PACS1: variants seen among roughly 807,000 people sequenced by gnomAD.
The protein encoded by PACS1 is phosphofurin acidic cluster sorting protein 1.
In PACS1, 24 loss-of-function variants were observed where a neutral mutation model predicts 115.0. The ratio of observed to expected loss-of-function variants is 0.21; its 90% CI spans 0.15 to 0.29. The LOEUF is 0.29. Among genes scored for constraint, PACS1 ranks in the 10% least tolerant of loss-of-function variants. The pLI is 1.00. For synonymous variants in PACS1, 453 were observed against 504.5 expected (o/e 0.90, Z 1.37); for missense variants, 838 against 1,251.2 (o/e 0.67, Z 4.98).
At chr11:66,146,321 G>A (rs777978810) in intron 1 of PACS1, among the ~76,000 whole-genome samples, 1 of 152,164 alleles carries the variant, frequency 6.6e-6, no homozygotes, top group Non-Finnish European at 1.5e-5. Flanking sequence ...TTAAAGAAAT[G>A]TATGATGACA....
intron 1 of PACS1, among the ~76,000 whole-genome samples, chr11:66,139,101 G>A (rs1858917198): frequency 6.6e-6 from 1 of 152,146 alleles, no homozygotes; most frequent in South Asian, 2.1e-4. Flanking sequence ...TGAAACCAGT[G>A]CTTGCAACCT....
At chr11:66,079,687 T>C (rs189809100) in intron 1 of PACS1, among the ~76,000 whole-genome samples, 4 of 152,278 alleles carry the variant, frequency 2.6e-5, no homozygotes, top group East Asian at 1.9e-4. Flanking sequence ...CCAGCTGATA[T>C]GTGCCGCAAG....
chr11:66,222,005 A>G (rs750308028), intron 10 of PACS1, among the ~76,000 whole-genome samples: 4 of 152,162 alleles, frequency 2.6e-5, no homozygotes, highest in Non-Finnish European at 5.9e-5. Flanking sequence ...AGACCCAGCT[A>G]CTTGGGAGGC....
chr11:66,221,207 T>C lies in PACS1; in HGVS notation c.1253T>C (p.Leu418Pro). ...AGCTCCCAGACGGAGATTGGCAGCCTCAACAGCAAAGGCAGCCTCGGAAAA... is the reference window on the plus strand; with the variant it reads ...AGCTCCCAGACGGAGATTGGCAGCCCCAACAGCAAAGGCAGCCTCGGAAAA... Reference protein sequence around the residue: ...QSSSQTEIGSLNSKGSLGKDT... With the variant: ...QSSSQTEIGSPNSKGSLGKDT... Residue 418 changes from leucine (L) to proline (P), a missense_variant, in exon 10 of 24, where the codon CTC becomes CCC. Around this residue, in one of 6 missense-constraint regions of PACS1, gnomAD observed 383 missense variants for 537.0 expected, o/e 0.71. Coordinates refer to ENST00000320580, the MANE Select transcript of PACS1 (RefSeq NM_018026.4). 6.2e-7 allele frequency: 1 copy of C among 1,614,206 alleles called. No individual in the cohort carries two copies. Among genetic ancestry groups the C allele is most frequent in the Non-Finnish European group, 8.5e-7 (1 of 1,180,038 alleles).
chr11:66,228,309 C>CA (rs1314896165), intron 11 of PACS1, among the ~76,000 whole-genome samples: 1 of 152,040 alleles, frequency 6.6e-6, no homozygotes, highest in Non-Finnish European at 1.5e-5. Context: ...GGATGAGCCT[C>CA]ACGGTGGGAC....
chr11:66,183,456 C>T (rs1860050274), intron 1 of PACS1, among the ~76,000 whole-genome samples: 1 of 152,222 alleles, frequency 6.6e-6, no homozygotes, highest in Admixed American at 6.5e-5. Flanking sequence ...TTCCCATCTT[C>T]TGATTAAAGA....
intron 1 of PACS1, among the ~76,000 whole-genome samples, chr11:66,132,955 A>G (rs537492335): frequency 6.6e-6 from 1 of 152,344 alleles, no homozygotes; most frequent in East Asian, 1.9e-4. Flanking sequence ...GAAGTGAGCC[A>G]TGGCACCTGG....
intron 2 of PACS1, among the ~76,000 whole-genome samples, chr11:66,194,027 G>A (rs56223081): frequency 6.6e-6 from 1 of 152,080 alleles, no homozygotes; most frequent in African/African-American, 2.4e-5. Flanking sequence ...GCAGTGGCGC[G>A]ATCTCGGCTC....
intron 1 of PACS1, among the ~76,000 whole-genome samples, chr11:66,117,624 A>G (rs1180977906): frequency 6.6e-6 from 1 of 152,106 alleles, no homozygotes; most frequent in Non-Finnish European, 1.5e-5. Context: ...AGGCAGGCGG[A>G]TCACCTGAGG....
At position 66,070,378 on chromosome 11, in the gene PACS1, G is replaced by C. The variant is rs1590722845; in HGVS notation, c.-109G>C. The C allele has an allele frequency of 1.7e-6, 1 of 586,744 alleles. No individual in the cohort carries two copies. Among genetic ancestry groups the C allele is most frequent in the Non-Finnish European group, 2.4e-6 (1 of 419,710 alleles). The allele number at this position is 586,744 out of a possible 1,614,324, so 36.3% of individuals were successfully genotyped here. A position where few individuals can be genotyped will look rare whatever the true frequency, so the allele number is the denominator to read the frequency against. On this transcript the variant is annotated 5_prime_UTR_variant, in exon 1 of 24. Transcript: ENST00000320580. This position sits in a 1 kb window ranked among gnomAD's most constrained non-coding sequence, Gnocchi z 5.9. ...GCAGCTCGCTGGCTGCTCGCGCTCGGGCAGGCGGGCTGAGGAGGCTGCCGC... is the reference window on the plus strand; with the variant it reads ...GCAGCTCGCTGGCTGCTCGCGCTCGCGCAGGCGGGCTGAGGAGGCTGCCGC...
At position 66,161,234 on chromosome 11, in the gene PACS1, G is replaced by A. The variant is rs958110445; in HGVS notation, c.357-32252G>A. Among the ~76,000 whole-genome samples, 8 of 152,142 alleles carry A rather than the reference G, an allele frequency of 5.3e-5. No individual in the cohort carries two copies. The East Asian group carries it at 1.2e-3, about 22-fold the overall frequency. ...GCCGGCAGGCAAGAAGTGCTACAGGGGATAAACAAACATACACAAATATGT... is the reference window on the plus strand; with the variant it reads ...GCCGGCAGGCAAGAAGTGCTACAGGAGATAAACAAACATACACAAATATGT... On this transcript the variant is annotated intron_variant, in intron 1 of 23. Coordinates refer to ENST00000320580, the MANE Select transcript of PACS1 (RefSeq NM_018026.4).
At chr11:66,210,168 C>A (rs1222930217) in intron 2 of PACS1, among the ~76,000 whole-genome samples, 194 bp from the exon 3 acceptor site, 1 of 151,848 alleles carries the variant, frequency 6.6e-6, no homozygotes, top group Non-Finnish European at 1.5e-5. Flanking sequence ...GTTGCTGGGA[C>A]TACAGGCATG....
intron 20 of PACS1, 114 bp downstream of exon 20, chr11:66,238,960 G>A: frequency 7.3e-7 from 1 of 1,370,330 alleles, no homozygotes; most frequent in Non-Finnish European, 1.0e-6. Flanking sequence ...GTCAGAGCTT[G>A]AGCAGGAAGC....
At chr11:66,072,518 A>C (rs1857326393) in intron 1 of PACS1, among the ~76,000 whole-genome samples, 1 of 151,798 alleles carries the variant, frequency 6.6e-6, no homozygotes, top group Non-Finnish European at 1.5e-5. Flanking sequence ...ACAGATTTAC[A>C]CATTGTTTTT....
At chr11:66,174,165 G>T (rs772551114) in intron 1 of PACS1, among the ~76,000 whole-genome samples, 17 of 152,090 alleles carry the variant, frequency 1.1e-4, no homozygotes, top group African/African-American at 3.9e-4. Flanking sequence ...AATTAGTCAC[G>T]AGGGAAATCC....
chr11:66,202,101 G>A (rs960108213), intron 2 of PACS1, among the ~76,000 whole-genome samples: 2 of 152,216 alleles, frequency 1.3e-5, no homozygotes, highest in African/African-American at 4.8e-5. Context: ...TGGCTGCTAT[G>A]AGCAGCTATA....
At chr11:66,243,083 A>T (rs1167122657) in intron 23 of PACS1, 52 bp downstream of exon 23, 1 of 1,612,708 alleles carries the variant, frequency 6.2e-7, no homozygotes, top group Non-Finnish European at 8.5e-7. Flanking sequence ...CTGGAGAGGG[A>T]GGCAGGCAAT....
chr11:66,185,660 A>G (rs1268774048), intron 1 of PACS1, among the ~76,000 whole-genome samples: 2 of 152,192 alleles, frequency 1.3e-5, no homozygotes, highest in Non-Finnish European at 2.9e-5. Flanking sequence ...AGAGGTAGCT[A>G]GAGAGCAGAA....
chr11:66,221,895 C>G (rs1448891593), intron 10 of PACS1, among the ~76,000 whole-genome samples: 1 of 152,138 alleles, frequency 6.6e-6, no homozygotes, highest in Non-Finnish European at 1.5e-5. Flanking sequence ...GCGGGTGGAT[C>G]ACTTGAGCCT....
Sources: gnomAD v4.1 joint callset for allele counts (sites outside exome capture counted in the v4.1 genomes callset) on GRCh38, gnomAD v4.1.1 for gene constraint, gnomAD v4.1.1 regional missense constraint, Gnocchi (gnomAD v3.1) non-coding constraint, MANE v1.5 for transcripts, NCBI Gene and HGNC (gene_info 2026-07-23, HGNC 2026-07-21) for gene names.